Variants in CROT observed in about 807,000 individuals in gnomAD.
CROT encodes carnitine O-octanoyltransferase.
A neutral mutation model predicts 89.2 loss-of-function variants in CROT; 84 were observed. That is an observed-to-expected ratio of 0.94 (90% confidence interval 0.79 to 1.13). The LOEUF (loss-of-function observed/expected upper bound fraction) is 1.13. CROT is among the 50% of genes most tolerant of loss of function. CROT has a pLI of 0.00. For missense variants in CROT, 711 were observed against 727.8 expected (o/e 0.98, Z 0.27); for synonymous variants, 212 against 239.5 (o/e 0.89, Z 1.06).
intron 13 of CROT, among the ~76,000 whole-genome samples, chr7:87,384,564 GAT>G (rs762460019): frequency 3.9e-5 from 6 of 152,158 alleles, no homozygotes; most frequent in Non-Finnish European, 7.4e-5. Context: ...GTCCATTTTA[GAT>G]CAGATAAATT....
intron 2 of CROT, among the ~76,000 whole-genome samples, chr7:87,348,642 CCT>C (rs1805772485): frequency 6.6e-6 from 1 of 152,108 alleles, no homozygotes; most frequent in African/African-American, 2.4e-5. Context: ...GGGTTTGGGT[CCT>C]GTGTTTGACA....
At chr7:87,376,052 C>T in intron 9 of CROT, 99 bp downstream of exon 9, 6 of 1,162,554 alleles carry the variant, frequency 5.2e-6, no homozygotes, top group Non-Finnish European at 7.1e-6. Context: ...TACCTTTAGG[C>T]TCTTGAAACT....
chr7:87,394,484 A>G (rs1584653127), intron 17 of CROT, among the ~76,000 whole-genome samples: 1 of 152,190 alleles, frequency 6.6e-6, no homozygotes, highest in East Asian at 1.9e-4. Flanking sequence ...CTTGATAAGT[A>G]TCATAGATTG....
At chr7:87,372,985 G>A (rs1436348709) in intron 7 of CROT, among the ~76,000 whole-genome samples, 2 of 152,004 alleles carry the variant, frequency 1.3e-5, no homozygotes, top group African/African-American at 4.8e-5. Context: ...TTTCTCTTGG[G>A]TATATTTTAG....
At position 87,377,580 on chromosome 7, in the gene CROT, G is replaced by A. The variant is rs1806851451; in HGVS notation, c.978+130G>A. ...TAGTTTTATGGCACTGTGGTGAAAAGTTTAGTTATGAATTCTCATTGAAAG... is the reference window on the plus strand; with the variant it reads ...TAGTTTTATGGCACTGTGGTGAAAAATTTAGTTATGAATTCTCATTGAAAG... On this transcript the variant is annotated intron_variant, in intron 10 of 17. Transcript: ENST00000331536. 1.7e-5 allele frequency: 10 copies of A among 582,336 alleles called. No homozygotes were observed. The South Asian group carries it at 2.1e-4, about 12-fold the overall frequency. 36.1% of individuals were successfully genotyped at this position (582,336 alleles called of 1,614,324 possible).
At chr7:87,366,933 A>G (rs1806466213) in intron 6 of CROT, among the ~76,000 whole-genome samples, 1 of 152,178 alleles carries the variant, frequency 6.6e-6, no homozygotes, top group African/African-American at 2.4e-5. Context: ...TTTCACTTCC[A>G]GAGAAGACTG....
At chr7:87,353,902 G>T (rs1584619202) in intron 3 of CROT, among the ~76,000 whole-genome samples, 1 of 152,196 alleles carries the variant, frequency 6.6e-6, no homozygotes, top group African/African-American at 2.4e-5. Flanking sequence ...ATGAGATTTG[G>T]AGGGGACATC....
chr7:87,349,024 GA>G, intron 2 of CROT, 23 bp from the exon 3 acceptor site: 1 of 1,036,012 alleles, frequency 9.7e-7, no homozygotes, highest in Non-Finnish European at 1.5e-6. Flanking sequence ...TTGAAGTTGT[GA>G]GGGCTCTCTC....
intron 17 of CROT, among the ~76,000 whole-genome samples, chr7:87,395,131 C>A (rs550534752): frequency 6.6e-6 from 1 of 152,264 alleles, no homozygotes; most frequent in South Asian, 2.1e-4. Context: ...CCACAATAGG[C>A]CAGCTGCAAG....
At chr7:87,349,911 G>T (rs764086819) in intron 3 of CROT, among the ~76,000 whole-genome samples, 8 of 152,130 alleles carry the variant, frequency 5.3e-5, no homozygotes, top group African/African-American at 1.7e-4. Context: ...TCTCATAATA[G>T]TGTGCAGTGA....
In CROT at chr7:87,365,147, T is replaced by G. The variant is rs116592813; in HGVS notation, c.547+3295T>G. ...AGGAAGAGGGGCTGAAGGATTAAAG[T>G]TTTTGTAAGGGAGAAATAATTTGGG... On this transcript the variant is annotated intron_variant, in intron 6 of 17. Coordinates refer to ENST00000331536, the MANE Select transcript of CROT (RefSeq NM_021151.4). Among the ~76,000 whole-genome samples the G allele has an allele frequency of 6.4e-3, 966 of 152,056 alleles. 13 individuals are homozygous for G. Among genetic ancestry groups the G allele is most frequent in the African/African-American group, 0.022 (930 of 41,460 alleles).
chr7:87,363,943 G>A (rs1806360329), intron 6 of CROT, among the ~76,000 whole-genome samples: 1 of 152,162 alleles, frequency 6.6e-6, no homozygotes, highest in Non-Finnish European at 1.5e-5. Context: ...TAAGATATAA[G>A]AGAAAAATAG....
chr7:87,381,882 T>C, intron 10 of CROT, 28 bp from the exon 11 acceptor site: 1 of 1,484,466 alleles, frequency 6.7e-7, no homozygotes, highest in South Asian at 1.2e-5. Context: ...CATAAAGTAT[T>C]CAGAAATCTT....
chr7:87,383,423 T>A (rs767286966), intron 13 of CROT, among the ~76,000 whole-genome samples: 1 of 152,208 alleles, frequency 6.6e-6, no homozygotes, highest in Non-Finnish European at 1.5e-5. Context: ...TTACCCATGT[T>A]GCTGCAAATG....
At chr7:87,367,908 C>T (rs549905046) in intron 6 of CROT, among the ~76,000 whole-genome samples, 1 of 152,226 alleles carries the variant, frequency 6.6e-6, no homozygotes, top group African/African-American at 2.4e-5. Flanking sequence ...GGCATACCTT[C>T]TCTTCACCCT....
rs1187880586 is a variant in CROT at position 87,359,572 on chromosome 7, A to C, written c.240+242A>C. 5 of 1,243,626 alleles carry C rather than the reference A, an allele frequency of 4.0e-6. No homozygotes were observed. The East Asian group carries it at 1.2e-4, about 31-fold the overall frequency. The allele number at this position is 1,243,626 out of a possible 1,614,324, so 77.0% of individuals were successfully genotyped here. ...GATTCACATGGCTGGAATGAGGCCC[A>C]GAGATTCTTATTTTAACAATCACTT... On this transcript the variant is annotated intron_variant, in intron 4 of 17. Coordinates refer to ENST00000331536, the MANE Select transcript of CROT (RefSeq NM_021151.4).
chr7:87,374,090 G>A (rs1806729323), intron 7 of CROT, among the ~76,000 whole-genome samples: 1 of 152,010 alleles, frequency 6.6e-6, no homozygotes, highest in African/African-American at 2.4e-5. Context: ...AAGCCAGACT[G>A]TGTGGGTTAT....
intron 3 of CROT, among the ~76,000 whole-genome samples, chr7:87,358,263 G>A (rs1054095881): frequency 1.3e-5 from 2 of 151,598 alleles, no homozygotes; most frequent in Non-Finnish European, 2.9e-5. Context: ...AGATCACGAG[G>A]TCAGGAGATC....
intron 7 of CROT, 152 bp from the exon 8 acceptor site, chr7:87,375,480 T>C: frequency 1.8e-6 from 1 of 565,728 alleles, no homozygotes; most frequent in Non-Finnish European, 3.1e-6. Context: ...TAAAAAAATA[T>C]GTGATGTAGG....
Sources: gnomAD v4.1 joint callset for allele counts (sites outside exome capture counted in the v4.1 genomes callset) on GRCh38, gnomAD v4.1.1 for gene constraint, MANE v1.5 for transcripts, NCBI Gene and HGNC (gene_info 2026-07-23, HGNC 2026-07-21) for gene names.